The following HSD17B12 variants were observed in gnomAD, a reference collection of about 807,000 sequenced individuals.
HSD17B12 encodes hydroxysteroid 17-beta dehydrogenase 12.
Under a neutral mutation model 39.3 loss-of-function variants are expected in HSD17B12, and 32 were observed. That is an observed-to-expected ratio of 0.81 (90% CI 0.61 to 1.09). The LOEUF is 1.09. Among genes scored for constraint, HSD17B12 ranks in the 50% least tolerant of loss-of-function variants. The pLI is 0.00. For synonymous variants in HSD17B12, 150 were observed against 146.7 expected (o/e 1.02, Z -0.16); for missense variants, 342 against 382.9 (o/e 0.89, Z 0.89).
intron 1 of HSD17B12, chr11:43,718,857 C>T (rs1950150577): frequency 1.1e-6 from 1 of 876,416 alleles, no homozygotes; most frequent in Admixed American, 1.7e-5. Flanking sequence ...CCCAAATATC[C>T]TCGGAAAAGC....
At chr11:43,598,447 G>A in the HSD17B12 span, among the ~76,000 whole-genome samples, 1 of 151,402 alleles carries the variant, frequency 6.6e-6, no homozygotes, top group South Asian at 2.1e-4. Context: ...AAGCTGATTC[G>A]CTCTTCTTGC....
chr11:43,649,578 A>T, the HSD17B12 span, among the ~76,000 whole-genome samples: 1 of 152,234 alleles, frequency 6.6e-6, no homozygotes, highest in African/African-American at 2.4e-5. Context: ...AAGGAAAAAT[A>T]AAAATGGCAA....
chr11:43,767,959 T>C (rs989285541), intron 3 of HSD17B12, among the ~76,000 whole-genome samples: 9 of 152,236 alleles, frequency 5.9e-5, no homozygotes, highest in Admixed American at 1.3e-4. Context: ...TTGGAAAACA[T>C]ACTCCTCACA....
At chr11:43,753,557 TA>T (rs563409070) in intron 2 of HSD17B12, among the ~76,000 whole-genome samples, 2,822 of 138,758 alleles carry the variant, frequency 0.02, 84 homozygotes, top group African/African-American at 0.063. Context: ...CCCAGATAAT[TA>T]AAAAAAAAAA....
rs532682240 is a variant in HSD17B12 at position 43,728,047 on chromosome 11, G to GT, written c.161-22854dup. Among the ~76,000 whole-genome samples the GT allele has an allele frequency of 7.6e-3, 1,125 of 148,248 alleles. 9 individuals carry two copies. Among genetic ancestry groups the GT allele is most frequent in the South Asian group, 0.038 (177 of 4,676 alleles). ...ATGGGGGCTTGCATAGTGTGATTCT[G>GT]TTTTTTTTTTGTTTGTTTTTTGTTT... On this transcript the variant is annotated intron_variant, in intron 1 of 10. Transcript: ENST00000278353.
chr11:43,621,341 A>G, the HSD17B12 span, among the ~76,000 whole-genome samples: 1 of 152,182 alleles, frequency 6.6e-6, no homozygotes, highest in Non-Finnish European at 1.5e-5. Context: ...ATGTAAACCC[A>G]TGCTGTGGTT....
chr11:43,840,813 T>C (rs892169711), intron 9 of HSD17B12, among the ~76,000 whole-genome samples: 1 of 152,244 alleles, frequency 6.6e-6, no homozygotes. Flanking sequence ...TTGGGTATTG[T>C]AAATAATGCT....
At chr11:43,664,362 G>A in the HSD17B12 span, among the ~76,000 whole-genome samples, 1 of 152,138 alleles carries the variant, frequency 6.6e-6, no homozygotes, top group Non-Finnish European at 1.5e-5. Context: ...AAGAATATTT[G>A]TACTGGCTCA....
At chr11:43,654,261 A>G in the HSD17B12 span, among the ~76,000 whole-genome samples, 1 of 152,016 alleles carries the variant, frequency 6.6e-6, no homozygotes, top group African/African-American at 2.4e-5. Flanking sequence ...TTTCTTGTAA[A>G]TTTGTTTGAG....
At chr11:43,561,901 G>C in the HSD17B12 span, among the ~76,000 whole-genome samples, 1 of 152,180 alleles carries the variant, frequency 6.6e-6, no homozygotes, top group African/African-American at 2.4e-5. Context: ...CATGGTGGGT[G>C]TTTAATAAAT....
intron 1 of HSD17B12, among the ~76,000 whole-genome samples, chr11:43,737,590 T>C (rs1261030000): frequency 6.6e-6 from 1 of 152,190 alleles, no homozygotes; most frequent in Non-Finnish European, 1.5e-5. Flanking sequence ...CCTTCTTTTC[T>C]TCCTCTACCT....
intron 6 of HSD17B12, among the ~76,000 whole-genome samples, chr11:43,820,858 C>T (rs1395380892): frequency 6.6e-6 from 1 of 152,220 alleles, no homozygotes; most frequent in Non-Finnish European, 1.5e-5. Flanking sequence ...AAGGCCTGTA[C>T]TGTGCCATGA....
At chr11:43,661,338 AG>A in the HSD17B12 span, among the ~76,000 whole-genome samples, 2 of 152,208 alleles carry the variant, frequency 1.3e-5, no homozygotes, top group African/African-American at 4.8e-5. Context: ...GGAGGCATGA[AG>A]AAACTCTTGG....
chr11:43,650,941 AT>A, the HSD17B12 span, among the ~76,000 whole-genome samples: 1 of 152,216 alleles, frequency 6.6e-6, no homozygotes, highest in Non-Finnish European at 1.5e-5. Context: ...TCTCAGTTGG[AT>A]TGAAAAAACA....
intron 3 of HSD17B12, among the ~76,000 whole-genome samples, chr11:43,755,726 T>C (rs1020217462): frequency 6.6e-6 from 1 of 152,260 alleles, no homozygotes; most frequent in Non-Finnish European, 1.5e-5. Flanking sequence ...TCTTCCAACA[T>C]ACTTATGAGG....
intron 1 of HSD17B12, chr11:43,733,956 CT>C: frequency 1.4e-6 from 1 of 703,260 alleles, no homozygotes; most frequent in Non-Finnish European, 2.6e-6. Flanking sequence ...AACCAATTAT[CT>C]TTGCTGTTCT....
chr11:43,683,767 A>G (rs1949773235), intron 1 of HSD17B12, among the ~76,000 whole-genome samples: 1 of 152,162 alleles, frequency 6.6e-6, no homozygotes, highest in African/African-American at 2.4e-5. Flanking sequence ...AAAACCAATT[A>G]TATATTTTAA....
At chr11:43,594,348 C>T in the HSD17B12 span, among the ~76,000 whole-genome samples, 2 of 151,818 alleles carry the variant, frequency 1.3e-5, no homozygotes, top group South Asian at 4.2e-4. Flanking sequence ...GGGAAAGATT[C>T]TTTTAGGGAA....
At chr11:43,772,763 T>C (rs999784964) in intron 3 of HSD17B12, among the ~76,000 whole-genome samples, 2 of 152,210 alleles carry the variant, frequency 1.3e-5, no homozygotes, top group South Asian at 4.1e-4. Context: ...TAATCTTTTT[T>C]TGTGAATGAG....
Sources: gnomAD v4.1 joint callset for allele counts (sites outside exome capture counted in the v4.1 genomes callset) on GRCh38, gnomAD v4.1.1 for gene constraint, MANE v1.5 for transcripts, NCBI Gene and HGNC (gene_info 2026-07-23, HGNC 2026-07-21) for gene names.